CIB2: variants seen among roughly 807,000 people sequenced by gnomAD.
CIB2 encodes the protein calcium and integrin-binding family member 2.
A neutral mutation model predicts 23.1 loss-of-function variants in CIB2; 19 were observed. That is an observed-to-expected ratio of 0.82 (90% CI 0.57 to 1.21). The LOEUF is 1.21. Among genes scored for constraint, CIB2 ranks in the 50% most tolerant of loss-of-function variants. The probability of loss-of-function intolerance (pLI) is 0.00; values close to 1 mark genes in which losing one functional copy is unlikely to be tolerated. For synonymous variants in CIB2, 94 were observed against 91.7 expected (o/e 1.03, Z -0.14); for missense variants, 220 against 241.5 (o/e 0.91, Z 0.59).
Position 78,131,059 on chromosome 15 carries a change from G to A in CIB2, c.51+106C>T. On this transcript the variant is annotated intron_variant, in intron 1 of 5. Transcript: ENST00000258930. The surrounding 1 kb of genome is among the most constrained non-coding windows in gnomAD (Gnocchi z 5.8). Reference sequence around the variant, plus strand: ...CGAGCTGAAGGCAGAGGCAGGGTTTGAACCTGGGAGAGCTGGCTCTCGGGA... The same window carrying A: ...CGAGCTGAAGGCAGAGGCAGGGTTTAAACCTGGGAGAGCTGGCTCTCGGGA... 1.0e-6 allele frequency: 1 copy of A among 1,001,740 alleles called. No individual in the cohort carries two copies. Among genetic ancestry groups the A allele is most frequent in the South Asian group, 1.6e-5 (1 of 62,292 alleles). 62.1% of individuals were successfully genotyped at this position (1,001,740 alleles called of 1,614,324 possible). A position where few individuals can be genotyped will look rare whatever the true frequency, so the allele number is the denominator to read the frequency against.
Position 78,120,809 on chromosome 15 carries a change from C to T in CIB2, c.86+2896G>A, listed in dbSNP as rs550826492. ...TTTCCTCCTAGCCATCTGGTCAGTA[C>T]GCAGGGAGCAGCTTACCAAGAAAAC... On this transcript the variant is annotated intron_variant, in intron 2 of 5. Coordinates refer to ENST00000258930, the MANE Select transcript of CIB2 (RefSeq NM_006383.4). 3.4e-5 allele frequency: 30 copies of T among 894,686 alleles called. No individual in the cohort carries two copies. The East Asian group carries it at 2.2e-3, about 64-fold the overall frequency. The allele number at this position is 894,686 out of a possible 1,614,324, so 55.4% of individuals were successfully genotyped here.
intron 1 of CIB2, among the ~76,000 whole-genome samples, chr15:78,130,535 A>C (rs1341304370): frequency 1.3e-5 from 2 of 152,112 alleles, no homozygotes; most frequent in Non-Finnish European, 2.9e-5. Context: ...GAGGCAGGAA[A>C]ACCTAGAAAG....
chr15:78,105,693 T>TGCCCTGCTCTGCCCTGCCC, intron 5 of CIB2, 46 bp downstream of exon 5: 1 of 1,612,334 alleles, frequency 6.2e-7, no homozygotes, highest in Non-Finnish European at 8.5e-7. Context: ...CATCCCGGCC[T>TGCCCTGCTCTGCCCTGCCC]GCCCTGCTCT....
Position 78,105,298 on chromosome 15 carries a change from C to T in CIB2, c.*13G>A, listed in dbSNP as rs2074048506. 6.2e-7 allele frequency: 1 copy of T among 1,613,822 alleles called. No homozygotes were observed. The highest frequency in any genetic ancestry group is 1.3e-5 in the African/African-American group (1 of 74,872). ...TGGTGGACTTCTAGGCCCCTACAGC[C>T]TCGGCAGTGTCCTCAGATCCGGATG... is the stretch of plus-strand genomic sequence containing the variant. On this transcript the variant is annotated 3_prime_UTR_variant, in exon 6 of 6. Coordinates refer to ENST00000258930, the MANE Select transcript of CIB2 (RefSeq NM_006383.4).
intron 2 of CIB2, among the ~76,000 whole-genome samples, chr15:78,119,613 C>T (rs1431277000): frequency 6.6e-6 from 1 of 151,912 alleles, no homozygotes; most frequent in East Asian, 1.9e-4. Flanking sequence ...GTAGCCCAGG[C>T]TGGAGTGAAG....
intron 4 of CIB2, among the ~76,000 whole-genome samples, chr15:78,107,530 C>T (rs2074089276): frequency 6.6e-6 from 1 of 152,180 alleles, no homozygotes. Flanking sequence ...AAATGAGGCC[C>T]CAGGCCTCCC....
chr15:78,130,354 C>A (rs1049422644), intron 1 of CIB2, among the ~76,000 whole-genome samples: 3 of 152,118 alleles, frequency 2.0e-5, no homozygotes, highest in Admixed American at 6.5e-5. Context: ...AAGGCGGCTG[C>A]CATGCAGAGG....
At chr15:78,107,631 T>G (rs912809045) in intron 4 of CIB2, among the ~76,000 whole-genome samples, 1 of 152,176 alleles carries the variant, frequency 6.6e-6, no homozygotes, top group African/African-American at 2.4e-5. Flanking sequence ...CATGTATTCC[T>G]GTGCCCACCC....
At chr15:78,112,448 C>G (rs903341416) in intron 2 of CIB2, among the ~76,000 whole-genome samples, 1 of 152,126 alleles carries the variant, frequency 6.6e-6, no homozygotes, top group African/African-American at 2.4e-5. Flanking sequence ...TCAGTCATAG[C>G]TACTTGGGAG....
chr15:78,108,299 G>A (rs961993176), intron 4 of CIB2, among the ~76,000 whole-genome samples: 15 of 151,854 alleles, frequency 9.9e-5, no homozygotes, highest in African/African-American at 3.1e-4. Context: ...CTGATCAAAC[G>A]TGCTGAGGAC....
chr15:78,111,148 A>C lies in CIB2; in HGVS notation c.198+17T>G. On this transcript the variant is annotated intron_variant, in intron 3 of 5. Coordinates refer to ENST00000258930, the MANE Select transcript of CIB2 (RefSeq NM_006383.4). The stretch of plus-strand genomic sequence containing the variant: ...GGCACAGATCCCCTGCTCGCCAGCA[A>C]GAGGTCCTGCACATACCCGGAGCTC... The C allele has an allele frequency of 6.2e-7, 1 of 1,609,602 alleles. No individual in the cohort carries two copies. The highest frequency in any genetic ancestry group is 8.5e-7 in the Non-Finnish European group (1 of 1,175,888).
At chr15:78,123,777 G>A (rs753663048) in intron 1 of CIB2, 38 bp from the exon 2 acceptor site, 32 of 1,612,924 alleles carry the variant, frequency 2.0e-5, no homozygotes, top group Middle Eastern at 1.6e-4. Flanking sequence ...GTCAGTGTGC[G>A]GCTCCCAGAC....
chr15:78,120,507 C>T lies in CIB2; in HGVS notation c.86+3198G>A, dbSNP rs780070038. ...ACCAAGGGGACAAGGACTACTGTCCCGCTGATTAAAGAGCACAGCCTAATT... is the reference window on the plus strand; with the variant it reads ...ACCAAGGGGACAAGGACTACTGTCCTGCTGATTAAAGAGCACAGCCTAATT... On this transcript the variant is annotated intron_variant, in intron 2 of 5. Coordinates refer to ENST00000258930, the MANE Select transcript of CIB2 (RefSeq NM_006383.4). The T allele has an allele frequency of 1.1e-5, 11 of 979,712 alleles. No homozygotes were observed. In the East Asian group the frequency reaches 3.4e-4, roughly 30 times the overall value. The allele number at this position is 979,712 out of a possible 1,614,324, so 60.7% of individuals were successfully genotyped here.
chr15:78,122,947 G>A (rs977079195), intron 2 of CIB2, among the ~76,000 whole-genome samples: 4 of 152,242 alleles, frequency 2.6e-5, no homozygotes, highest in African/African-American at 9.6e-5. Context: ...TCCAGGGCAA[G>A]TGATCCTGGG....
At chr15:78,120,533 A>T in intron 2 of CIB2, 1 of 985,268 alleles carries the variant, frequency 1.0e-6, no homozygotes, top group Non-Finnish European at 1.2e-6. Flanking sequence ...CAGCCTAATT[A>T]GGGCACAAGG....
chr15:78,106,617 A>G (rs55829894), intron 4 of CIB2, among the ~76,000 whole-genome samples: 16,290 of 152,160 alleles, frequency 0.11, 1,802 homozygotes, highest in African/African-American at 0.28. Flanking sequence ...GGCCACATCA[A>G]AGTGAACTCT....
chr15:78,109,976 G>T (rs929393964), intron 3 of CIB2, among the ~76,000 whole-genome samples: 1 of 152,158 alleles, frequency 6.6e-6, no homozygotes, highest in East Asian at 1.9e-4. Context: ...GAAGATGACA[G>T]CCCAGGGCAC....
intron 2 of CIB2, among the ~76,000 whole-genome samples, chr15:78,122,710 C>T (rs969632289): frequency 4.6e-5 from 7 of 152,240 alleles, no homozygotes; most frequent in Non-Finnish European, 1.0e-4. Flanking sequence ...GATGCCAGGT[C>T]TACTGATGCC....
In CIB2 at chr15:78,105,323, G is replaced by A. The variant is rs774734133; in HGVS notation, c.552C>T (p.His184=). The change falls in exon 6 of 6, where the codon CAC becomes CAT. Residue 184 remains histidine (H), a synonymous_variant. Transcript: ENST00000258930. The part of the protein sequence containing the change: ...AKAPDFLSTF[H]IRI ...CTCGGCAGTGTCCTCAGATCCGGAT[G>A]TGGAAAGTGCTAGAAAGAGAGAAAG... The A allele has an allele frequency of 1.1e-5, 17 of 1,613,952 alleles. No individual in the cohort carries two copies. In the South Asian group the frequency reaches 1.1e-4, roughly 10 times the overall value.
Sources: allele counts gnomAD v4.1 joint callset (sites outside exome capture counted in the v4.1 genomes callset), GRCh38; gene constraint gnomAD v4.1.1; non-coding constraint Gnocchi (gnomAD v3.1); transcripts MANE v1.5; gene names NCBI Gene and HGNC (gene_info 2026-07-23, HGNC 2026-07-21).